The following MUC5B variants were observed in gnomAD, a reference collection of about 807,000 sequenced individuals.
MUC5B encodes the protein mucin 5B, oligomeric mucus/gel-forming, also known as mucin-5B.
MUC5B carries 116 observed loss-of-function variants against 376.9 expected under a neutral mutation model. The observed-to-expected ratio is 0.31, with a 90% CI of 0.26 to 0.36. MUC5B has a LOEUF of 0.36. Among genes scored for constraint, MUC5B ranks in the 10% least tolerant of loss-of-function variants. The pLI is 1.00. For synonymous variants in MUC5B, 3,517 were observed against 3,390.9 expected (o/e 1.04, Z -1.29); for missense variants, 7,165 against 7,769.9 (o/e 0.92, Z 2.93).
intron 1 of MUC5B, 42 bp downstream of exon 1, chr11:1,223,235 C>T (rs7943553): frequency 4.5e-5 from 32 of 705,242 alleles, no homozygotes; most frequent in African/African-American, 2.1e-4. Context: ...GCTGTCTTCA[C>T]GGCGGGGGTC....
Position 1,258,421 on chromosome 11 carries a change from G to A in MUC5B, c.16593+54G>A, listed in dbSNP as rs561322565. On this transcript the variant is annotated intron_variant, in intron 43 of 48. Transcript: ENST00000529681. The surrounding 1 kb of genome is among the most constrained non-coding windows in gnomAD (Gnocchi z 5.5). ...CCCTGGGGCCTGAACATGTGTGTGG[G>A]ATGCCCCGGGGCTCTCTGAGCCCCA... 2.3e-4 allele frequency: 360 copies of A among 1,594,528 alleles called. No individual in the cohort carries two copies. The highest frequency in any genetic ancestry group is 2.8e-4 in the Non-Finnish European group (326 of 1,168,874).
rs757116105 is a variant in MUC5B, at chr11:1,247,779, C to T, written c.10899C>T (p.Val3633=). The T allele has an allele frequency of 1.9e-5, 31 of 1,607,606 alleles. No individual in the cohort carries two copies. The East Asian group carries it at 2.0e-4, about 10-fold the overall frequency. ...PGVPLRELGQ[V]VECSLDFGLV... ...TCCCCCTGCGGGAGTTGGGCCAGGT[C>T]GTGGAATGCAGCCTGGACTTTGGCC... Residue 3633 remains valine (V), a synonymous_variant, in exon 31 of 49, where the codon GTC becomes GTT. Coordinates refer to ENST00000529681, the MANE Select transcript of MUC5B (RefSeq NM_002458.3).
In MUC5B at chr11:1,246,209, C is replaced by A; in HGVS notation, c.9329C>A (p.Thr3110Asn). The change falls in exon 31 of 49, where the codon ACC becomes AAC. Residue 3110 changes from threonine (T) to asparagine (N), a missense_variant. Transcript: ENST00000529681. ...PETTHTSTVL[T>N]TKATTTRATS... ...ACCACCCACACCTCCACAGTGCTGA[C>A]CACGAAGGCCACCACGACAAGGGCC... 4 of 1,612,766 alleles carry A rather than the reference C, an allele frequency of 2.5e-6. No individual in the cohort carries two copies. The highest frequency in any genetic ancestry group is 3.3e-5 in the Admixed American group (2 of 59,948).
chr11:1,235,169 C>A lies in MUC5B; in HGVS notation c.2715C>A (p.Thr905=). ...CVAYGDGHFI[T]FDGDRYSFEG... Reference sequence around the variant, plus strand: ...CCTACGGGGATGGCCACTTCATCACCTTTGATGGCGATCGCTACAGCTTTG... The same window carrying A: ...CCTACGGGGATGGCCACTTCATCACATTTGATGGCGATCGCTACAGCTTTG... The change falls in exon 22 of 49, where the codon ACC becomes ACA. Residue 905 remains threonine (T), a synonymous_variant. Coordinates refer to ENST00000529681, the MANE Select transcript of MUC5B (RefSeq NM_002458.3). 1 of 1,613,128 alleles carries A rather than the reference C, an allele frequency of 6.2e-7. No homozygotes were observed. The highest frequency in any genetic ancestry group is 8.5e-7 in the Non-Finnish European group (1 of 1,179,730).
Position 1,257,748 on chromosome 11 carries a change from G to T in MUC5B, c.16450+38G>T. On this transcript the variant is annotated intron_variant, in intron 41 of 48. Coordinates refer to ENST00000529681, the MANE Select transcript of MUC5B (RefSeq NM_002458.3). This position sits in a 1 kb window ranked among gnomAD's most constrained non-coding sequence, Gnocchi z 8.9. The stretch of plus-strand genomic sequence containing the variant: ...AGAGCAGAGGTGCCCGGCATAGGGT[G>T]AGGGGGGACAGAGCCGGTGCCCACC... 2 of 1,513,412 alleles carry T rather than the reference G, an allele frequency of 1.3e-6. No homozygotes were observed. The highest frequency in any genetic ancestry group is 1.8e-6 in the Non-Finnish European group (2 of 1,132,774). The allele number at this position is 1,513,412 out of a possible 1,614,324, so 93.7% of individuals were successfully genotyped here.
chr11:1,259,159 GC>G, intron 44 of MUC5B, 98 bp downstream of exon 44: 1 of 1,268,572 alleles, frequency 7.9e-7, no homozygotes, highest in Non-Finnish European at 1.1e-6. Context: ...TGAGTCACCC[GC>G]CCCCAGGTGA....
At position 1,261,879 on chromosome 11, in the gene MUC5B, A is replaced by T; in HGVS notation, c.*271A>T. On this transcript the variant is annotated 3_prime_UTR_variant, in exon 49 of 49. Coordinates refer to ENST00000529681, the MANE Select transcript of MUC5B (RefSeq NM_002458.3). ...CTTGCCCCTCCCTGATGTCACTGGG[A>T]CGCCCTGGAACAAACTAAGCATGTG... 1.5e-6 allele frequency: 1 copy of T among 671,092 alleles called. No individual in the cohort carries two copies. Among genetic ancestry groups the T allele is most frequent in the Non-Finnish European group, 2.7e-6 (1 of 364,936 alleles). 41.6% of individuals were successfully genotyped at this position (671,092 alleles called of 1,614,324 possible).
Position 1,251,694 on chromosome 11 carries a change from C to T in MUC5B, c.14814C>T (p.His4938=), listed in dbSNP as rs778652821. ...GACCCACTGGCTTCCCCAGCTCCCA[C>T]TTCTCTACTCCCTGCTTCTGCAGGG... ...TLRPTGFPSS[H]FSTPCFCRAF... is the part of the protein sequence containing the mutation. Residue 4938 remains histidine (H), a synonymous_variant, in exon 31 of 49, where the codon CAC becomes CAT. Coordinates refer to ENST00000529681, the MANE Select transcript of MUC5B (RefSeq NM_002458.3). The T allele has an allele frequency of 3.1e-6, 5 of 1,611,882 alleles. No homozygotes were observed. Among genetic ancestry groups the T allele is most frequent in the Admixed American group, 1.7e-5 (1 of 59,952 alleles).
In MUC5B at chr11:1,243,702, C is replaced by A. The variant is rs1862364286; in HGVS notation, c.6822C>A (p.Gly2274=). 1.2e-6 allele frequency: 2 copies of A among 1,611,600 alleles called. No homozygotes were observed. Among genetic ancestry groups the A allele is most frequent in the East Asian group, 2.2e-5 (1 of 44,838 alleles). The change falls in exon 31 of 49, where the codon GGC becomes GGA. Residue 2274 remains glycine (G), a synonymous_variant. Coordinates refer to ENST00000529681, the MANE Select transcript of MUC5B (RefSeq NM_002458.3). ...SPPSPGTTTP[G]HTTATSRTTA... The stretch of plus-strand genomic sequence containing the variant: ...CTTCTCCAGGGACGACCACCCCGGG[C>A]CACACCACGGCCACCTCCAGGACCA...
intron 6 of MUC5B, 39 bp from the exon 7 acceptor site, chr11:1,227,636 C>T: frequency 1.4e-6 from 1 of 709,704 alleles, no homozygotes; most frequent in Non-Finnish European, 2.6e-6. Context: ...TCCCCAGGAG[C>T]CCCTCAGAGC....
In MUC5B at chr11:1,226,124, C is replaced by A. The variant is rs993800607; in HGVS notation, c.128-81C>A. 1.2e-5 allele frequency: 17 copies of A among 1,385,246 alleles called. No homozygotes were observed. In the African/African-American group the frequency reaches 2.0e-4, roughly 16 times the overall value. 85.8% of individuals were successfully genotyped at this position (1,385,246 alleles called of 1,614,324 possible). On this transcript the variant is annotated intron_variant, in intron 2 of 48. Coordinates refer to ENST00000529681, the MANE Select transcript of MUC5B (RefSeq NM_002458.3). ...GCTCCCCTTCAACTCTGGTGGCTGG[C>A]GAGGAGGGTGGGCCCCGGGGAGGGT...
chr11:1,224,510 C>A (rs189333244), intron 1 of MUC5B, among the ~76,000 whole-genome samples: 4,110 of 73,502 alleles, frequency 0.056, 77 homozygotes, highest in Middle Eastern at 0.16. Flanking sequence ...CTGTCTGGGG[C>A]AGGGGAGGAG....
chr11:1,251,878 CGGCCACACTGGGTCCCCACT>C (rs978370704), intron 31 of MUC5B, 135 bp downstream of exon 31: 55 of 690,278 alleles, frequency 8.0e-5, no homozygotes, highest in Middle Eastern at 4.0e-4. Context: ...TGGCCCCTCC[CGGCCACACTGGGTCCCCACT>C]GGCCACACTG....
At chr11:1,239,186 G>C in intron 26 of MUC5B, 159 bp downstream of exon 26, 2 of 1,010,124 alleles carry the variant, frequency 2.0e-6, no homozygotes, top group Non-Finnish European at 2.9e-6. Flanking sequence ...TATGCACAGA[G>C]GAAGACCTGT....
rs1193259931 is a variant in MUC5B at position 1,247,159 on chromosome 11, G to T, written c.10279G>T (p.Ala3427Ser). ...GCTGACCACCACCGCCACCACACCT[G>T]CAGCCACCAGCAGCACAGTGACTCC... The part of the protein sequence containing the change: ...PVLTTTATTP[A>S]ATSSTVTPSS... Residue 3427 changes from alanine to serine, a missense_variant, in exon 31 of 49, where the codon GCA becomes TCA. By Grantham distance (99) the Ala-to-Ser change is moderately conservative. This residue lies in a region of MUC5B where 939 missense variants were observed against 770.6 expected (regional missense o/e 1.22). Coordinates refer to ENST00000529681, the MANE Select transcript of MUC5B (RefSeq NM_002458.3). 1 of 1,541,302 alleles carries T rather than the reference G, an allele frequency of 6.5e-7. No individual in the cohort carries two copies. Among genetic ancestry groups the T allele is most frequent in the Non-Finnish European group, 8.8e-7 (1 of 1,130,522 alleles).
Position 1,251,220 on chromosome 11 carries a change from C to T in MUC5B, c.14340C>T (p.Thr4780=). The T allele has an allele frequency of 6.2e-7, 1 of 1,611,384 alleles. No individual in the cohort carries two copies. Among genetic ancestry groups the T allele is most frequent in the South Asian group, 1.1e-5 (1 of 91,036 alleles). The change falls in exon 31 of 49, where the codon ACC becomes ACT. Residue 4780 remains threonine, a synonymous_variant. Coordinates refer to ENST00000529681, the MANE Select transcript of MUC5B (RefSeq NM_002458.3). The stretch of plus-strand genomic sequence containing the variant: ...TGTCCACCATGTCCACAATCCACAC[C>T]TCCTCTACTCCAGAGACCACCCACA... The part of the protein sequence containing the change: ...TPMSTMSTIH[T]SSTPETTHTS...
At chr11:1,259,187 C>A in intron 44 of MUC5B, 126 bp downstream of exon 44, 1 of 968,494 alleles carries the variant, frequency 1.0e-6, no homozygotes, top group Non-Finnish European at 1.5e-6. Context: ...GAGGCACCTG[C>A]CCCCAGGTGA....
At chr11:1,227,842 G>C (rs1308666898) in intron 7 of MUC5B, 61 bp downstream of exon 7, 10 of 671,692 alleles carry the variant, frequency 1.5e-5, no homozygotes, top group Admixed American at 2.1e-5. Flanking sequence ...AGGGGGAGCT[G>C]GGCCGAGGTC....
Position 1,235,177 on chromosome 11 carries a change from G to C in MUC5B, c.2723G>C (p.Gly908Ala). The change falls in exon 22 of 49, where the codon GGC becomes GCC. Residue 908 changes from glycine (G) to alanine (A), a missense_variant. Transcript: ENST00000529681. ...GATGGCCACTTCATCACCTTTGATGGCGATCGCTACAGCTTTGAAGGCAGC... is the reference window on the plus strand; with the variant it reads ...GATGGCCACTTCATCACCTTTGATGCCGATCGCTACAGCTTTGAAGGCAGC... ...YGDGHFITFDGDRYSFEGSCE... is the reference protein window; with the variant it reads ...YGDGHFITFDADRYSFEGSCE... The C allele has an allele frequency of 6.2e-7, 1 of 1,613,102 alleles. No homozygotes were observed. Among genetic ancestry groups the C allele is most frequent in the Non-Finnish European group, 8.5e-7 (1 of 1,179,722 alleles).
Sources: gnomAD v4.1 joint callset for allele counts (sites outside exome capture counted in the v4.1 genomes callset) on GRCh38, gnomAD v4.1.1 for gene constraint, gnomAD v4.1.1 regional missense constraint, Gnocchi (gnomAD v3.1) non-coding constraint, MANE v1.5 for transcripts, NCBI Gene and HGNC (gene_info 2026-07-23, HGNC 2026-07-21) for gene names.